Variants in LPAR3 observed in about 807,000 individuals in gnomAD.
LPAR3 encodes the protein lysophosphatidic acid receptor 3, also known as LPA receptor 3.
A neutral mutation model predicts 17.8 loss-of-function variants in LPAR3; 7 were observed. The ratio of observed to expected loss-of-function variants is 0.39; its 90% CI spans 0.22 to 0.74. The LOEUF (loss-of-function observed/expected upper bound fraction) is 0.74. Ranked by LOEUF, LPAR3 falls within the 30% of genes least tolerant of loss-of-function variation. The probability of loss-of-function intolerance (pLI) is 0.40; values close to 1 mark genes in which losing one functional copy is unlikely to be tolerated. For synonymous variants in LPAR3, 179 were observed against 179.9 expected (o/e 0.99, Z 0.04); for missense variants, 391 against 453.4 (o/e 0.86, Z 1.25).
At chr1:84,838,280 T>C (rs957886992) in intron 2 of LPAR3, among the ~76,000 whole-genome samples, 14 of 152,324 alleles carry the variant, frequency 9.2e-5, no homozygotes, top group East Asian at 3.9e-4. Context: ...CCAGCCAGCA[T>C]TGACACGGGG....
At chr1:84,817,519 G>A (rs973331039) in intron 2 of LPAR3, among the ~76,000 whole-genome samples, 5 of 152,190 alleles carry the variant, frequency 3.3e-5, no homozygotes, top group African/African-American at 4.8e-5. Flanking sequence ...CCAGGTGGAG[G>A]AGGCTTGGAA....
intron 2 of LPAR3, among the ~76,000 whole-genome samples, chr1:84,829,152 A>ATTTTTTTTTTTTTTTTTTTT (rs56095946): frequency 1.8e-5 from 1 of 55,526 alleles, no homozygotes; most frequent in Non-Finnish European, 3.0e-5. Flanking sequence ...CCTCTCTGCA[A>ATTTTTTTTTTTTTTTTTTTT]TTTTTTTTTT....
rs12092640 is a variant in LPAR3 at position 84,834,175 on chromosome 1, C to T, written c.737-20004G>A. On this transcript the variant is annotated intron_variant, in intron 2 of 2. Coordinates refer to ENST00000370611, the MANE Select transcript of LPAR3 (RefSeq NM_012152.3). ...TTCATGTCCACTTTCTCAACTAGAT[C>T]ATATAGGTATCAGGGATTGGGACTA... Among the ~76,000 whole-genome samples the T allele has an allele frequency of 2.8e-3, 429 of 152,184 alleles. 3 individuals are homozygous for T. Among genetic ancestry groups the T allele is most frequent in the African/African-American group, 1.0e-2 (414 of 41,506 alleles).
Position 84,811,727 on chromosome 1 carries a change from A to G in LPAR3, c.*2119T>C, listed in dbSNP as rs1658815854. 1 of 152,216 alleles carries G rather than the reference A, an allele frequency of 6.6e-6. No homozygotes were observed. The highest frequency in any genetic ancestry group is 1.9e-4 in the East Asian group (1 of 5,204). The allele number at this position is 152,216 out of a possible 1,614,324, so 9.4% of individuals were successfully genotyped here. ...AATATTCTCTATTTTAGGCTATTATATTTAGAAGCATGACATCTCAAATCC... is the reference window on the plus strand; with the variant it reads ...AATATTCTCTATTTTAGGCTATTATGTTTAGAAGCATGACATCTCAAATCC... On this transcript the variant is annotated 3_prime_UTR_variant, in exon 3 of 3. Transcript: ENST00000370611.
chr1:84,833,325 C>T (rs1659329221), intron 2 of LPAR3, among the ~76,000 whole-genome samples: 1 of 152,128 alleles, frequency 6.6e-6, no homozygotes, highest in African/African-American at 2.4e-5. Context: ...ACTCATTTGG[C>T]ATTTTTACCT....
At chr1:84,830,270 G>A (rs904778772) in intron 2 of LPAR3, among the ~76,000 whole-genome samples, 19 of 152,100 alleles carry the variant, frequency 1.2e-4, no homozygotes, top group Non-Finnish European at 1.0e-4. Context: ...TACTTCCTCT[G>A]TCCAAATAAA....
At chr1:84,882,075 A>C (rs926516734) in intron 1 of LPAR3, among the ~76,000 whole-genome samples, 4 of 152,238 alleles carry the variant, frequency 2.6e-5, no homozygotes, top group African/African-American at 9.6e-5. Context: ...ATCTTATATG[A>C]AGAAATCACC....
At chr1:84,826,986 A>G (rs372177247) in intron 2 of LPAR3, among the ~76,000 whole-genome samples, 2 of 152,364 alleles carry the variant, frequency 1.3e-5, no homozygotes, top group African/African-American at 2.4e-5. Context: ...AAGAAACTCT[A>G]AAGTCATGAC....
intron 2 of LPAR3, among the ~76,000 whole-genome samples, chr1:84,860,954 G>C (rs1407059031): frequency 1.3e-5 from 2 of 151,936 alleles, no homozygotes; most frequent in Non-Finnish European, 2.9e-5. Context: ...GGCCAGGATG[G>C]TCTCAAACTC....
intron 1 of LPAR3, among the ~76,000 whole-genome samples, chr1:84,870,033 CA>C (rs766378153): frequency 1.3e-5 from 2 of 152,202 alleles, no homozygotes; most frequent in Non-Finnish European, 2.9e-5. Context: ...TACAGATTAT[CA>C]TACTGTCTTA....
Position 84,813,131 on chromosome 1 carries a change from A to ATG in LPAR3, c.*714_*715insCA, listed in dbSNP as rs1214652770. ...TAAAAATCAGTAAAAACAGGAATATATATATATATATATATATATATATAT... is the reference window on the plus strand; with the variant it reads ...TAAAAATCAGTAAAAACAGGAATATATGTATATATATATATATATATATATAT... On this transcript the variant is annotated 3_prime_UTR_variant, in exon 3 of 3. Coordinates refer to ENST00000370611, the MANE Select transcript of LPAR3 (RefSeq NM_012152.3). The ATG allele has an allele frequency of 1.1e-5, 1 of 92,816 alleles. No individual in the cohort carries two copies. The highest frequency in any genetic ancestry group is 3.9e-5 in the African/African-American group (1 of 25,358). 5.7% of individuals were successfully genotyped at this position (92,816 alleles called of 1,614,324 possible).
intron 2 of LPAR3, among the ~76,000 whole-genome samples, chr1:84,815,389 G>A (rs1258010596): frequency 6.6e-6 from 1 of 152,164 alleles, no homozygotes; most frequent in Admixed American, 6.5e-5. Context: ...TGAGGTGAAG[G>A]CCACGCACTC....
At position 84,865,681 on chromosome 1, in the gene LPAR3, A is replaced by G. The variant is rs994779025; in HGVS notation, c.440T>C (p.Leu147Pro). ...HSNLTKKRVT[L>P]LILLVWAIAI... ...GATGGCCCAGACAAGCAAAATGAGC[A>G]GTGTCACCCTCTTTTTGGTCAGGTT... The change falls in exon 2 of 3, where the codon CTG (leucine) becomes CCG (proline). Residue 147 changes from leucine to proline, a missense_variant. Leu to Pro is a moderately conservative substitution (Grantham distance 98). Coordinates refer to ENST00000370611, the MANE Select transcript of LPAR3 (RefSeq NM_012152.3). 1 of 1,614,222 alleles carries G rather than the reference A, an allele frequency of 6.2e-7. No homozygotes were observed. The highest frequency in any genetic ancestry group is 8.5e-7 in the Non-Finnish European group (1 of 1,180,028).
chr1:84,891,719 A>C (rs1372354474), intron 1 of LPAR3, among the ~76,000 whole-genome samples: 1 of 152,216 alleles, frequency 6.6e-6, no homozygotes, highest in Non-Finnish European at 1.5e-5. Context: ...ATTTGTAAAG[A>C]GGAGATTGAT....
Position 84,812,060 on chromosome 1 carries a change from A to G in LPAR3, c.*1786T>C, listed in dbSNP as rs939892017. On this transcript the variant is annotated 3_prime_UTR_variant, in exon 3 of 3. Coordinates refer to ENST00000370611, the MANE Select transcript of LPAR3 (RefSeq NM_012152.3). ...GTAAGCCAGGTACCAGAAGGATGCCATTAACCTTGGGAAAAATAAGAGATG... is the reference window on the plus strand; with the variant it reads ...GTAAGCCAGGTACCAGAAGGATGCCGTTAACCTTGGGAAAAATAAGAGATG... The G allele has an allele frequency of 2.2e-4, 33 of 152,210 alleles. 1 individual carries two copies. The highest frequency in any genetic ancestry group is 8.0e-4 in the African/African-American group (33 of 41,458). The allele number at this position is 152,210 out of a possible 1,614,324, so 9.4% of individuals were successfully genotyped here.
intron 2 of LPAR3, among the ~76,000 whole-genome samples, chr1:84,839,203 A>G (rs1659461412): frequency 6.6e-6 from 1 of 152,222 alleles, no homozygotes; most frequent in South Asian, 2.1e-4. Flanking sequence ...TCTGGATCAT[A>G]TGCATCTTCT....
At chr1:84,892,670 A>G (rs2102778170) in intron 1 of LPAR3, among the ~76,000 whole-genome samples, 1 of 152,376 alleles carries the variant, frequency 6.6e-6, no homozygotes, top group South Asian at 2.1e-4. Flanking sequence ...GAGTTTGGAA[A>G]GAACCACGTG....
At chr1:84,840,368 A>T (rs966542745) in intron 2 of LPAR3, among the ~76,000 whole-genome samples, 1 of 152,222 alleles carries the variant, frequency 6.6e-6, no homozygotes, top group Non-Finnish European at 1.5e-5. Flanking sequence ...TGGTCCTAGA[A>T]TTAAATATCA....
chr1:84,822,500 G>A (rs1278612604), intron 2 of LPAR3, among the ~76,000 whole-genome samples: 7 of 152,102 alleles, frequency 4.6e-5, no homozygotes, highest in East Asian at 1.9e-4. Flanking sequence ...GGTGACAAGC[G>A]AAGTAAAAGA....
Sources: gnomAD v4.1 joint callset for allele counts (sites outside exome capture counted in the v4.1 genomes callset) on GRCh38, gnomAD v4.1.1 for gene constraint, MANE v1.5 for transcripts, NCBI Gene and HGNC (gene_info 2026-07-23, HGNC 2026-07-21) for gene names.